Variants in PLPPR1 observed in about 807,000 individuals in gnomAD.
The protein encoded by PLPPR1 is phospholipid phosphatase-related protein type 1.
Under a neutral mutation model 33.1 loss-of-function variants are expected in PLPPR1, and 10 were observed. The observed-to-expected ratio is 0.30, with a 90% CI of 0.19 to 0.51. PLPPR1 has a LOEUF of 0.51. Ranked by LOEUF, PLPPR1 falls within the 20% of genes least tolerant of loss-of-function variation. PLPPR1 has a pLI of 0.97. For missense variants in PLPPR1, 304 were observed against 408.1 expected, an observed-to-expected ratio of 0.74 and a Z score of 2.20; for synonymous variants, 151 against 151.0, an observed-to-expected ratio of 1.00 and a Z score of 0.00.
intron 2 of PLPPR1, among the ~76,000 whole-genome samples, chr9:101,215,060 A>G (rs865778557): frequency 5.3e-5 from 8 of 151,988 alleles, no homozygotes; most frequent in Middle Eastern, 6.8e-3. Flanking sequence ...GAAAAAAGCT[A>G]AAGGGACCAG....
intron 1 of PLPPR1, among the ~76,000 whole-genome samples, chr9:101,134,927 C>T (rs1831360586): frequency 1.3e-5 from 2 of 152,248 alleles, no homozygotes; most frequent in South Asian, 4.1e-4. Context: ...TATGGGGCAA[C>T]AGAGGACCTG....
chr9:101,061,580 C>T (rs974328061), intron 1 of PLPPR1, among the ~76,000 whole-genome samples: 7 of 151,930 alleles, frequency 4.6e-5, no homozygotes, highest in Non-Finnish European at 8.8e-5. Flanking sequence ...GCAAAAAGTG[C>T]AATTACATTT....
chr9:101,035,705 A>C (rs891029927), intron 1 of PLPPR1, among the ~76,000 whole-genome samples: 1 of 152,170 alleles, frequency 6.6e-6, no homozygotes, highest in African/African-American at 2.4e-5. Flanking sequence ...GAATAACTGA[A>C]TCAATTACTG....
At chr9:101,289,516 A>G (rs1329788587) in intron 4 of PLPPR1, among the ~76,000 whole-genome samples, 1 of 152,126 alleles carries the variant, frequency 6.6e-6, no homozygotes, top group Non-Finnish European at 1.5e-5. Flanking sequence ...CTTGAATTGT[A>G]CTCCCATAAT....
At chr9:101,139,033 GCTTT>G (rs983161919) in intron 1 of PLPPR1, among the ~76,000 whole-genome samples, 49 of 151,992 alleles carry the variant, frequency 3.2e-4, no homozygotes, top group African/African-American at 1.0e-3. Flanking sequence ...TTTACTTAAT[GCTTT>G]CTAAGTATCA....
chr9:101,156,214 G>A lies in PLPPR1; in HGVS notation c.-45-29236G>A, dbSNP rs181988897. 4.6e-5 allele frequency among the ~76,000 whole-genome samples: 7 copies of A among 152,212 alleles called. No homozygotes were observed. The East Asian group carries it at 5.8e-4, about 13-fold the overall frequency. The stretch of plus-strand genomic sequence containing the variant: ...CTACTTTCATTTGACCATGGGTTCC[G>A]AGTTTGTTGTGGGTGGAGAGGTTTT... On this transcript the variant is annotated intron_variant, in intron 1 of 7. Coordinates refer to ENST00000374874, the MANE Select transcript of PLPPR1 (RefSeq NM_207299.2).
At chr9:101,225,228 T>A (rs968789288) in intron 2 of PLPPR1, among the ~76,000 whole-genome samples, 1 of 152,216 alleles carries the variant, frequency 6.6e-6, no homozygotes, top group Non-Finnish European at 1.5e-5. Context: ...TTTGGACTCA[T>A]TTAAGGAATG....
intron 1 of PLPPR1, among the ~76,000 whole-genome samples, chr9:101,106,629 G>C (rs1362405944): frequency 5.8e-5 from 4 of 69,178 alleles, no homozygotes; most frequent in African/African-American, 3.1e-4. Flanking sequence ...TATGTGTCTG[G>C]GAGTTGCTCT....
chr9:101,038,153 C>T (rs1014880321), intron 1 of PLPPR1, among the ~76,000 whole-genome samples: 4 of 151,996 alleles, frequency 2.6e-5, no homozygotes, highest in East Asian at 1.9e-4. Context: ...GTAGGATTAA[C>T]TTTACATATT....
At chr9:101,303,441 A>G (rs1239508958) in intron 4 of PLPPR1, among the ~76,000 whole-genome samples, 1 of 152,164 alleles carries the variant, frequency 6.6e-6, no homozygotes, top group East Asian at 1.9e-4. Flanking sequence ...AGCTGGGATT[A>G]CAGGCATGCA....
At chr9:101,192,381 G>A (rs1028849783) in intron 2 of PLPPR1, among the ~76,000 whole-genome samples, 2 of 152,180 alleles carry the variant, frequency 1.3e-5, no homozygotes, top group Non-Finnish European at 2.9e-5. Flanking sequence ...TAGAATGAGT[G>A]AGAAGAGAAA....
chr9:101,133,890 C>A (rs1223535504), intron 1 of PLPPR1, among the ~76,000 whole-genome samples: 1 of 152,194 alleles, frequency 6.6e-6, no homozygotes, highest in African/African-American at 2.4e-5. Context: ...TGAGTTTTGG[C>A]AAGTTGCTTA....
At chr9:101,054,238 T>C (rs1830255846) in intron 1 of PLPPR1, among the ~76,000 whole-genome samples, 1 of 152,112 alleles carries the variant, frequency 6.6e-6, no homozygotes, top group East Asian at 1.9e-4. Context: ...TATCATAGAA[T>C]TCAATATCAA....
At chr9:101,181,720 T>TACTA (rs79650924) in intron 1 of PLPPR1, among the ~76,000 whole-genome samples, 2 of 107,780 alleles carry the variant, frequency 1.9e-5, no homozygotes, top group African/African-American at 3.7e-5. Flanking sequence ...CAAATTACTA[T>TACTA]TTGGGGGTGT....
chr9:101,084,473 C>A (rs1830654039), intron 1 of PLPPR1, among the ~76,000 whole-genome samples: 1 of 150,720 alleles, frequency 6.6e-6, no homozygotes, highest in Non-Finnish European at 1.5e-5. Context: ...ATTTTCTTTA[C>A]CTTTAATCTA....
At chr9:101,165,662 G>T (rs1367521176) in intron 1 of PLPPR1, among the ~76,000 whole-genome samples, 1 of 152,160 alleles carries the variant, frequency 6.6e-6, no homozygotes, top group Non-Finnish European at 1.5e-5. Context: ...TGGGATTCAT[G>T]GAAAAGGACA....
intron 1 of PLPPR1, among the ~76,000 whole-genome samples, chr9:101,055,969 G>A (rs145215012): frequency 0.012 from 1,872 of 152,318 alleles, 18 homozygotes; most frequent in Admixed American, 0.018. Context: ...GTAGTTGACA[G>A]TTTCTACTTT....
intron 2 of PLPPR1, among the ~76,000 whole-genome samples, chr9:101,217,599 G>C (rs958183554): frequency 2.0e-4 from 31 of 152,168 alleles, no homozygotes; most frequent in Non-Finnish European, 3.1e-4. Context: ...CAACTCTGTG[G>C]TTGTAGTATG....
chr9:101,237,966 C>T (rs1827347610), intron 2 of PLPPR1, among the ~76,000 whole-genome samples: 1 of 122,404 alleles, frequency 8.2e-6, no homozygotes, highest in African/African-American at 3.4e-5. Flanking sequence ...CACACACACA[C>T]AGGCTATATA....
Sources: allele counts gnomAD v4.1 joint callset (sites outside exome capture counted in the v4.1 genomes callset), GRCh38; gene constraint gnomAD v4.1.1; transcripts MANE v1.5; gene names NCBI Gene and HGNC (gene_info 2026-07-23, HGNC 2026-07-21).